Variants in NBEA observed in about 807,000 individuals in gnomAD.
NBEA encodes the protein lysosomal-trafficking regulator 2.
In NBEA, 44 loss-of-function variants were observed where a neutral mutation model predicts 343.4. The ratio of observed to expected loss-of-function variants is 0.13; its 90% CI spans 0.10 to 0.16. The LOEUF (loss-of-function observed/expected upper bound fraction) is 0.16, where lower values mean the gene tolerates loss of function less well. Among genes scored for constraint, NBEA ranks in the 10% least tolerant of loss-of-function variants. NBEA has a pLI of 1.00. For synonymous variants in NBEA, 1,175 were observed against 1,238.7 expected, an observed-to-expected ratio of 0.95 and a Z score of 1.08; for missense variants, 2,555 against 3,631.3, an observed-to-expected ratio of 0.70 and a Z score of 7.62.
intron 38 of NBEA, among the ~76,000 whole-genome samples, chr13:35,376,870 A>C (rs555242180): frequency 1.3e-5 from 2 of 152,280 alleles, no homozygotes; most frequent in African/African-American, 4.8e-5. Flanking sequence ...CCGGTTGACC[A>C]TGTGGTACCC....
chr13:35,015,148 A>C lies in NBEA; in HGVS notation c.295-25785A>C, dbSNP rs1237982796. ...ATCTGAAAAAAAAAAAACAAACAAAAAAAAAAAACCACACACAAAGCAGGG... is the reference window on the plus strand; with the variant it reads ...ATCTGAAAAAAAAAAAACAAACAAACAAAAAAAACCACACACAAAGCAGGG... On this transcript the variant is annotated intron_variant, in intron 1 of 58. Coordinates refer to ENST00000379939, the MANE Select transcript of NBEA (RefSeq NM_001385012.1). Among the ~76,000 whole-genome samples the C allele has an allele frequency of 2.7e-5, 4 of 149,248 alleles. 1 individual carries two copies. Among genetic ancestry groups the C allele is most frequent in the Admixed American group, 6.7e-5 (1 of 14,878 alleles).
intron 33 of NBEA, among the ~76,000 whole-genome samples, chr13:35,228,374 C>CT (rs376741335): frequency 1.5e-3 from 209 of 143,584 alleles, no homozygotes; most frequent in Admixed American, 2.3e-3. Flanking sequence ...AAGTAATTCT[C>CT]TTTTTTTTTT....
At chr13:35,552,331 T>C (rs1036897786) in intron 43 of NBEA, among the ~76,000 whole-genome samples, 4 of 152,208 alleles carry the variant, frequency 2.6e-5, no homozygotes, top group African/African-American at 9.6e-5. Context: ...TTGCAACTTA[T>C]CTATTCTCTT....
intron 24 of NBEA, among the ~76,000 whole-genome samples, chr13:35,168,544 T>C (rs2070216032): frequency 6.6e-6 from 1 of 151,556 alleles, no homozygotes; most frequent in South Asian, 2.1e-4. Flanking sequence ...TATTTCCTTA[T>C]AGAAAATTCT....
At chr13:35,067,432 T>C (rs2063695085) in intron 8 of NBEA, among the ~76,000 whole-genome samples, 1 of 152,124 alleles carries the variant, frequency 6.6e-6, no homozygotes. Context: ...AAAATAATTA[T>C]AACAGTTTTA....
intron 49 of NBEA, among the ~76,000 whole-genome samples, chr13:35,638,141 T>G (rs9530818): frequency 0.19 from 29,280 of 152,086 alleles, 3,135 homozygotes; most frequent in South Asian, 0.25. Context: ...TTAATAAATA[T>G]AGCGTTTTAG....
At chr13:35,040,672 A>G (rs1258494422) in intron 1 of NBEA, among the ~76,000 whole-genome samples, 12 of 152,098 alleles carry the variant, frequency 7.9e-5, no homozygotes, top group African/African-American at 2.9e-4. Flanking sequence ...CAGGAATCAC[A>G]TGCTGTAGTT....
chr13:35,101,812 A>G (rs953910215), intron 11 of NBEA, among the ~76,000 whole-genome samples: 4 of 151,630 alleles, frequency 2.6e-5, no homozygotes, highest in African/African-American at 9.7e-5. Flanking sequence ...TGTATTTTGG[A>G]TGTGATTACT....
chr13:35,104,682 A>G (rs2065828712), intron 11 of NBEA, among the ~76,000 whole-genome samples: 1 of 151,882 alleles, frequency 6.6e-6, no homozygotes. Flanking sequence ...CTTAGCTTTT[A>G]TATCTCCTTG....
intron 41 of NBEA, among the ~76,000 whole-genome samples, chr13:35,505,354 C>T (rs1442712236): frequency 6.6e-6 from 1 of 152,148 alleles, no homozygotes; most frequent in Non-Finnish European, 1.5e-5. Context: ...TCACGATGCT[C>T]CGCAGTTAAT....
chr13:34,985,468 G>A (rs900929512), intron 1 of NBEA, among the ~76,000 whole-genome samples: 4 of 150,860 alleles, frequency 2.7e-5, no homozygotes, highest in African/African-American at 9.7e-5. Flanking sequence ...TTTTTGCATC[G>A]ATGTTCATCA....
chr13:35,662,599 G>A (rs1215959283), intron 55 of NBEA, among the ~76,000 whole-genome samples: 1 of 152,006 alleles, frequency 6.6e-6, no homozygotes. Context: ...TGCTTTCAGG[G>A]GCCCTAAAAA....
chr13:35,275,816 T>C lies in NBEA; in HGVS notation c.5777-14573T>C, dbSNP rs142673591. On this transcript the variant is annotated intron_variant, in intron 34 of 58. Coordinates refer to ENST00000379939, the MANE Select transcript of NBEA (RefSeq NM_001385012.1). ...AAAACCACAATGAGATACCATCTCATGCCAGTTAGAATGGCGATCATTAGA... is the reference window on the plus strand; with the variant it reads ...AAAACCACAATGAGATACCATCTCACGCCAGTTAGAATGGCGATCATTAGA... Among the ~76,000 whole-genome samples the C allele has an allele frequency of 2.4e-3, 371 of 152,214 alleles. 16 individuals carry two copies. The East Asian group carries it at 0.063, about 26-fold the overall frequency.
intron 39 of NBEA, among the ~76,000 whole-genome samples, chr13:35,450,718 C>T (rs559419207): frequency 3.3e-5 from 5 of 152,140 alleles, no homozygotes; most frequent in African/African-American, 9.7e-5. Context: ...AGGAATATAT[C>T]CACCACCCCA....
intron 45 of NBEA, among the ~76,000 whole-genome samples, chr13:35,568,273 G>A (rs2080228710): frequency 6.6e-6 from 1 of 152,014 alleles, no homozygotes; most frequent in Non-Finnish European, 1.5e-5. Context: ...ATAGCTCATG[G>A]ATAATTTTAG....
chr13:35,622,604 A>G (rs1179766225), intron 48 of NBEA, among the ~76,000 whole-genome samples: 3 of 152,212 alleles, frequency 2.0e-5, no homozygotes, highest in African/African-American at 7.2e-5. Context: ...TGAAGTTGTA[A>G]TAGCTACAAC....
At chr13:35,502,860 A>G (rs2076940946) in intron 41 of NBEA, among the ~76,000 whole-genome samples, 2 of 152,146 alleles carry the variant, frequency 1.3e-5, no homozygotes, top group South Asian at 2.1e-4. Context: ...CAAAGGAGCT[A>G]TAAATGGAAA....
intron 49 of NBEA, among the ~76,000 whole-genome samples, chr13:35,631,209 A>G (rs760153327): frequency 6.6e-6 from 1 of 152,194 alleles, no homozygotes; most frequent in Non-Finnish European, 1.5e-5. Flanking sequence ...GAAGTACAGC[A>G]TATTCATTAT....
intron 1 of NBEA, among the ~76,000 whole-genome samples, chr13:35,010,956 ATTT>A (rs966444784): frequency 7.0e-6 from 1 of 143,852 alleles, no homozygotes; most frequent in African/African-American, 2.5e-5. Flanking sequence ...GGAGCCAATG[ATTT>A]TTTTTTTTTA....
Sources: gnomAD v4.1 joint callset for allele counts (sites outside exome capture counted in the v4.1 genomes callset) on GRCh38, gnomAD v4.1.1 for gene constraint, MANE v1.5 for transcripts, NCBI Gene and HGNC (gene_info 2026-07-23, HGNC 2026-07-21) for gene names.